The following ATP8A1 variants were observed in gnomAD, a reference collection of about 807,000 sequenced individuals.
ATP8A1 encodes the protein phospholipid-transporting ATPase IA.
In ATP8A1, 90 loss-of-function variants were observed where a neutral mutation model predicts 177.7. That is an observed-to-expected ratio of 0.51 (90% CI 0.43 to 0.60). The LOEUF (loss-of-function observed/expected upper bound fraction) is 0.60. Among genes scored for constraint, ATP8A1 ranks in the 20% least tolerant of loss-of-function variants. The pLI, the probability that ATP8A1 is intolerant of heterozygous loss-of-function variation, is 0.00. For missense variants in ATP8A1, 1,072 were observed against 1,392.8 expected (o/e 0.77, Z 3.67); for synonymous variants, 493 against 485.9 (o/e 1.01, Z -0.19).
At chr4:42,476,226 A>G (rs899428893) in intron 25 of ATP8A1, among the ~76,000 whole-genome samples, 2 of 152,174 alleles carry the variant, frequency 1.3e-5, no homozygotes, top group African/African-American at 4.8e-5. Flanking sequence ...TGATGCAGAA[A>G]TGAATAACAA....
At chr4:42,480,959 C>A (rs1281702286) in intron 25 of ATP8A1, among the ~76,000 whole-genome samples, 4 of 152,124 alleles carry the variant, frequency 2.6e-5, no homozygotes, top group African/African-American at 9.7e-5. Context: ...AGGCTCTAAG[C>A]CAATTTTCAA....
intron 35 of ATP8A1, among the ~76,000 whole-genome samples, chr4:42,421,230 A>C (rs1713888340): frequency 6.6e-6 from 1 of 152,150 alleles, no homozygotes; most frequent in Admixed American, 6.5e-5. Context: ...ACAACCCTGA[A>C]AGTAGGTATT....
At chr4:42,607,632 G>GTTT (rs34714525) in intron 5 of ATP8A1, among the ~76,000 whole-genome samples, 36 of 146,866 alleles carry the variant, frequency 2.5e-4, no homozygotes, top group African/African-American at 5.8e-4. Flanking sequence ...GATTCTACAG[G>GTTT]TTTTTTTTTT....
intron 22 of ATP8A1, among the ~76,000 whole-genome samples, chr4:42,509,872 A>T (rs984799132): frequency 2.0e-5 from 3 of 150,234 alleles, no homozygotes; most frequent in African/African-American, 7.5e-5. Flanking sequence ...AAAAAAAAAA[A>T]AGTTATTGTT....
At chr4:42,455,236 A>G (rs932142068) in intron 29 of ATP8A1, 61 bp downstream of exon 29, 4 of 1,594,470 alleles carry the variant, frequency 2.5e-6, no homozygotes, top group Non-Finnish European at 3.4e-6. Context: ...CATACCCCAT[A>G]TAATGAGGGC....
At chr4:42,576,676 T>C in intron 12 of ATP8A1, among the ~76,000 whole-genome samples, 1 of 152,094 alleles carries the variant, frequency 6.6e-6, no homozygotes, top group South Asian at 2.1e-4. Context: ...TCAAAGCCCA[T>C]CTCTCCCATG....
At position 42,648,282 on chromosome 4, in the gene ATP8A1, A is replaced by G. The variant is rs576346898; in HGVS notation, c.49+8543T>C. ...AAGAGCAAAGCAAATGGGACAGCTA[A>G]GAGAATATTTTTTGTTATGTTGCAA... On this transcript the variant is annotated intron_variant, in intron 1 of 36. Transcript: ENST00000381668. 4.0e-4 allele frequency among the ~76,000 whole-genome samples: 61 copies of G among 151,400 alleles called. No homozygotes were observed. In the South Asian group the frequency reaches 0.013, roughly 32 times the overall value.
intron 33 of ATP8A1, among the ~76,000 whole-genome samples, chr4:42,442,568 C>T (rs1459279676): frequency 6.6e-6 from 1 of 152,210 alleles, no homozygotes; most frequent in Non-Finnish European, 1.5e-5. Context: ...CTTGATATGT[C>T]TGGTTTTGCT....
intron 31 of ATP8A1, among the ~76,000 whole-genome samples, chr4:42,445,820 C>T (rs1313573798): frequency 8.5e-5 from 13 of 152,106 alleles, no homozygotes; most frequent in African/African-American, 3.1e-4. Flanking sequence ...TGGCTCATGC[C>T]TTTAATCCCA....
chr4:42,442,254 A>G (rs1716715098), intron 33 of ATP8A1, among the ~76,000 whole-genome samples: 1 of 152,378 alleles, frequency 6.6e-6, no homozygotes, highest in Middle Eastern at 3.4e-3. Context: ...AATGAAAAAG[A>G]TATCAAGTTA....
rs754262471 is a variant in ATP8A1, at chr4:42,611,506, A to T, written c.409+4527T>A. On this transcript the variant is annotated intron_variant, in intron 5 of 36. Coordinates refer to ENST00000381668, the MANE Select transcript of ATP8A1 (RefSeq NM_006095.2). ...ATTCTCATATGCAGAATGTATACAG[A>T]CCATCGTCCAGGGAATACACCTGGG... Among the ~76,000 whole-genome samples, 247 of 152,300 alleles carry T rather than the reference A, an allele frequency of 1.6e-3. 1 individual carries two copies. Among genetic ancestry groups the T allele is most frequent in the Non-Finnish European group, 2.4e-3 (162 of 68,028 alleles).
chr4:42,417,950 T>C (rs1398634473), intron 35 of ATP8A1, among the ~76,000 whole-genome samples: 1 of 152,200 alleles, frequency 6.6e-6, no homozygotes, highest in Non-Finnish European at 1.5e-5. Flanking sequence ...ACCACAGTGA[T>C]GAGAGAAGGC....
chr4:42,549,119 G>A (rs1577562092), intron 18 of ATP8A1, 57 bp from the exon 19 acceptor site: 5 of 1,393,510 alleles, frequency 3.6e-6, no homozygotes, highest in Admixed American at 2.0e-5. Context: ...AAGCTTCTAG[G>A]AAATAAATCC....
At chr4:42,533,907 A>G (rs1727523620) in intron 20 of ATP8A1, among the ~76,000 whole-genome samples, 2 of 152,140 alleles carry the variant, frequency 1.3e-5, no homozygotes, top group Non-Finnish European at 2.9e-5. Context: ...GGGTGGCTAG[A>G]TCAAGAACGG....
Position 42,579,936 on chromosome 4 carries a change from TC to T in ATP8A1, c.876del (p.Ile293LeufsTer7). 1 of 1,612,214 alleles carries T rather than the reference TC, an allele frequency of 6.2e-7. No individual in the cohort carries two copies. Among genetic ancestry groups the T allele is most frequent in the Non-Finnish European group, 8.5e-7 (1 of 1,178,824 alleles). The part of the protein sequence containing the change: ...SPPLKLSNVE[R>X]ITNVQILILF... ...AAAATCAAAATTTGTACATTTGTAA[TC>T]CGTTCCACATTTGAGAGCTTAAGTG... On this transcript the variant is annotated frameshift_variant, in exon 11 of 37. Coordinates refer to ENST00000381668, the MANE Select transcript of ATP8A1 (RefSeq NM_006095.2). LOFTEE classifies it high-confidence loss of function.
At chr4:42,544,087 A>C (rs1159026655) in intron 19 of ATP8A1, 101 bp from the exon 20 acceptor site, 11 of 919,496 alleles carry the variant, frequency 1.2e-5, no homozygotes, top group Non-Finnish European at 1.7e-5. Flanking sequence ...TAAAAAAATA[A>C]ATCTGACCAA....
chr4:42,498,860 T>C (rs1310455631), intron 24 of ATP8A1, among the ~76,000 whole-genome samples: 1 of 152,196 alleles, frequency 6.6e-6, no homozygotes, highest in Non-Finnish European at 1.5e-5. Flanking sequence ...CTTCCCACAC[T>C]CTGGAATCAA....
chr4:42,575,787 C>G, intron 12 of ATP8A1, 88 bp from the exon 13 acceptor site: 1 of 1,066,824 alleles, frequency 9.4e-7, no homozygotes, highest in Non-Finnish European at 1.4e-6. Flanking sequence ...TATATTCGTA[C>G]TTCAATAAGT....
chr4:42,432,674 C>G (rs1382704692), intron 33 of ATP8A1, among the ~76,000 whole-genome samples: 3 of 152,138 alleles, frequency 2.0e-5, no homozygotes, highest in Non-Finnish European at 4.4e-5. Context: ...TGTACTTTAA[C>G]CAGAGACAAA....
Sources: gnomAD v4.1 joint callset for allele counts (sites outside exome capture counted in the v4.1 genomes callset) on GRCh38, gnomAD v4.1.1 for gene constraint, MANE v1.5 for transcripts, NCBI Gene and HGNC (gene_info 2026-07-23, HGNC 2026-07-21) for gene names.